The following IFT140 variants were observed in gnomAD, a reference collection of about 807,000 sequenced individuals.
IFT140 encodes intraflagellar transport protein 140 homolog.
A neutral mutation model predicts 164.6 loss-of-function variants in IFT140; 133 were observed. The observed-to-expected ratio is 0.81, with a 90% CI of 0.70 to 0.93. IFT140 has a LOEUF of 0.93. Among genes scored for constraint, IFT140 ranks in the 40% least tolerant of loss-of-function variants. IFT140 has a pLI of 0.00. For missense variants in IFT140, 2,045 were observed against 1,972.3 expected (o/e 1.04, Z -0.70); for synonymous variants, 860 against 817.3 (o/e 1.05, Z -0.89).
chr16:1,510,832 C>A lies in IFT140; in HGVS notation c.*112G>T. The A allele has an allele frequency of 9.8e-7, 1 of 1,022,400 alleles. No homozygotes were observed. Among genetic ancestry groups the A allele is most frequent in the Non-Finnish European group, 1.5e-6 (1 of 678,094 alleles). The allele number at this position is 1,022,400 out of a possible 1,614,324, so 63.3% of individuals were successfully genotyped here. On this transcript the variant is annotated 3_prime_UTR_variant, in exon 31 of 31. Coordinates refer to ENST00000426508, the MANE Select transcript of IFT140 (RefSeq NM_014714.4). The stretch of plus-strand genomic sequence containing the variant: ...TTCTCGCCCAGCTCTGTCGCGTATT[C>A]CAACACAGACATGTTTTTTCCCAGC...
At chr16:1,563,368 C>T (rs1035911699) in intron 17 of IFT140, among the ~76,000 whole-genome samples, 17 of 150,544 alleles carry the variant, frequency 1.1e-4, no homozygotes, top group Non-Finnish European at 1.8e-4. Flanking sequence ...GATCCCGGCT[C>T]ACTCCGCCTG....
Position 1,602,553 on chromosome 16 carries a change from G to C in IFT140, c.186C>G (p.Phe62Leu). ...GGTGCCAGCACAGGGAAGCAACCCG[G>C]AACGGCCTCTCGACGTGTGTATCTG... ...CVPDTHVERPFRVASLCWHPT... is the reference protein window; with the variant it reads ...CVPDTHVERPLRVASLCWHPT... The change falls in exon 4 of 31, where the codon TTC becomes TTG. Residue 62 changes from phenylalanine (F) to leucine (L), a missense_variant. By Grantham distance (22) the Phe-to-Leu change is conservative. Transcript: ENST00000426508. The C allele has an allele frequency of 2.5e-6, 4 of 1,613,760 alleles. No individual in the cohort carries two copies. The highest frequency in any genetic ancestry group is 3.4e-6 in the Non-Finnish European group (4 of 1,180,032).
intron 4 of IFT140, 43 bp from the exon 5 acceptor site, chr16:1,592,631 AGAGCGAC>A: frequency 1.3e-6 from 2 of 1,583,620 alleles, no homozygotes; most frequent in South Asian, 1.1e-5. Context: ...GTGTCCCGGC[AGAGCGAC>A]TGGTGGAGGG....
chr16:1,581,571 G>C (rs894072203), intron 12 of IFT140, among the ~76,000 whole-genome samples: 6 of 146,784 alleles, frequency 4.1e-5, no homozygotes, highest in African/African-American at 1.6e-4. Context: ...CTGCACTCCA[G>C]CCTGGGTGAC....
chr16:1,588,449 C>T lies in IFT140; in HGVS notation c.811-425G>A, dbSNP rs180758804. 4.8e-3 allele frequency among the ~76,000 whole-genome samples: 732 copies of T among 152,010 alleles called. 6 individuals are homozygous for T. Among genetic ancestry groups the T allele is most frequent in the Non-Finnish European group, 7.6e-3 (520 of 67,996 alleles). ...CTGAGACAGGAGAATGGCGTGAACACGGGAGGCGGAGATTGCAGTCAGCTG... is the reference window on the plus strand; with the variant it reads ...CTGAGACAGGAGAATGGCGTGAACATGGGAGGCGGAGATTGCAGTCAGCTG... On this transcript the variant is annotated intron_variant, in intron 7 of 30. Transcript: ENST00000426508.
chr16:1,549,663 C>T (rs571287912), intron 19 of IFT140, among the ~76,000 whole-genome samples: 78 of 152,264 alleles, frequency 5.1e-4, no homozygotes, highest in Non-Finnish European at 9.6e-4. Flanking sequence ...AACTCCTGAC[C>T]TCAGGTGATC....
At chr16:1,516,769 CAAAA>C (rs777538656) in intron 30 of IFT140, among the ~76,000 whole-genome samples, 1 of 53,202 alleles carries the variant, frequency 1.9e-5, no homozygotes. Flanking sequence ...CACTCTGTCT[CAAAA>C]AAAAAAAAAA....
intron 18 of IFT140, among the ~76,000 whole-genome samples, chr16:1,560,445 G>A (rs966253132): frequency 6.6e-6 from 1 of 152,230 alleles, no homozygotes; most frequent in Non-Finnish European, 1.5e-5. Context: ...AGGACCAGAG[G>A]CCAGCACACA....
At chr16:1,593,300 AC>A (rs1024111179) in intron 4 of IFT140, among the ~76,000 whole-genome samples, 3 of 152,072 alleles carry the variant, frequency 2.0e-5, no homozygotes, top group African/African-American at 7.2e-5. Context: ...TATATTTTCA[AC>A]TTTTTAAAAT....
chr16:1,602,187 T>C, intron 4 of IFT140, 183 bp downstream of exon 4: 1 of 615,690 alleles, frequency 1.6e-6, no homozygotes, highest in Non-Finnish European at 2.9e-6. Context: ...CAGACACACC[T>C]TTGCCACAGA....
At chr16:1,538,092 C>T (rs1045535772) in intron 19 of IFT140, among the ~76,000 whole-genome samples, 24 of 152,216 alleles carry the variant, frequency 1.6e-4, no homozygotes, top group African/African-American at 5.3e-4. Flanking sequence ...AAGCAGTGAA[C>T]GCCAGCTCCA....
chr16:1,588,456 C>T (rs1257119518), intron 7 of IFT140, among the ~76,000 whole-genome samples: 2 of 151,710 alleles, frequency 1.3e-5, no homozygotes, highest in Admixed American at 6.6e-5. Flanking sequence ...ACACGGGAGG[C>T]GGAGATTGCA....
At position 1,524,737 on chromosome 16, in the gene IFT140, G is replaced by C. The variant is rs1233413371; in HGVS notation, c.2998-42C>G. On this transcript the variant is annotated intron_variant, in intron 23 of 30. Transcript: ENST00000426508. ...CCCAAAGACGAGACACGGTGGCCTT[G>C]TGTCTGCCTCGTGTCCGCCTGGCCG... The C allele has an allele frequency of 2.5e-6, 4 of 1,584,432 alleles. No individual in the cohort carries two copies. In the East Asian group the frequency reaches 9.1e-5, roughly 36 times the overall value.
intron 30 of IFT140, among the ~76,000 whole-genome samples, chr16:1,513,869 T>G (rs2040258753): frequency 7.2e-6 from 1 of 139,434 alleles, no homozygotes; most frequent in African/African-American, 2.8e-5. Context: ...GAGACGGGGT[T>G]TCACCGTGTT....
chr16:1,593,669 T>C (rs1567415928), intron 4 of IFT140, among the ~76,000 whole-genome samples: 1 of 152,048 alleles, frequency 6.6e-6, no homozygotes, highest in Non-Finnish European at 1.5e-5. Flanking sequence ...ACTGGGATTG[T>C]TGATAGTTTT....
At chr16:1,525,844 C>A in intron 21 of IFT140, 43 bp downstream of exon 21, 1 of 1,480,210 alleles carries the variant, frequency 6.8e-7, no homozygotes, top group Non-Finnish European at 9.0e-7. Context: ...CAAGCCAGGG[C>A]CATCCAGAGA....
intron 19 of IFT140, 55 bp downstream of exon 19, chr16:1,557,880 G>C: frequency 6.5e-7 from 1 of 1,547,986 alleles, no homozygotes; most frequent in Admixed American, 1.7e-5. Flanking sequence ...AGGGAGAAAG[G>C]AAAGAGCCGT....
Position 1,589,679 on chromosome 16 carries a change from C to T in IFT140, c.736G>A (p.Val246Met), listed in dbSNP as rs765437428. The change falls in exon 7 of 31, where the codon GTG becomes ATG. Residue 246 changes from valine (V) to methionine (M), a missense_variant. Val to Met is a conservative substitution (Grantham distance 21). Coordinates refer to ENST00000426508, the MANE Select transcript of IFT140 (RefSeq NM_014714.4). Reference sequence around the variant, plus strand: ...AGCCGGAGGTTCTCTGTGACCACCACCAGTGCCTCCCTCTTCTCCATGTAG... The same window carrying T: ...AGCCGGAGGTTCTCTGTGACCACCATCAGTGCCTCCCTCTTCTCCATGTAG... ...LFYMEKREAL[V>M]VVTENLRLSL... is the part of the protein sequence containing the mutation. 1.2e-6 allele frequency: 2 copies of T among 1,614,112 alleles called. No homozygotes were observed. The highest frequency in any genetic ancestry group is 1.7e-5 in the Admixed American group (1 of 60,022).
Position 1,578,397 on chromosome 16 carries a change from G to A in IFT140, c.1524+2362C>T, listed in dbSNP as rs546797452. ...CACAACGATAGCTAAAATCAGGCTC[G>A]TGACAAAAGCTCTCAACCTGGTCAC... On this transcript the variant is annotated intron_variant, in intron 13 of 30. Transcript: ENST00000426508. The A allele has an allele frequency of 2.0e-5, 3 of 152,170 alleles. No individual in the cohort carries two copies. In the South Asian group the frequency reaches 6.2e-4, roughly 32 times the overall value. The allele number at this position is 152,170 out of a possible 1,614,324, so 9.4% of individuals were successfully genotyped here.
Sources: gnomAD v4.1 joint callset for allele counts (sites outside exome capture counted in the v4.1 genomes callset) on GRCh38, gnomAD v4.1.1 for gene constraint, MANE v1.5 for transcripts, NCBI Gene and HGNC (gene_info 2026-07-23, HGNC 2026-07-21) for gene names.